SEZ6L: variants seen among roughly 807,000 people sequenced by gnomAD.
SEZ6L encodes the protein seizure related 6 homolog like, also known as seizure 6-like protein.
Under a neutral mutation model 106.2 loss-of-function variants are expected in SEZ6L, and 37 were observed. The observed-to-expected ratio is 0.35, with a 90% CI of 0.27 to 0.46. The LOEUF (loss-of-function observed/expected upper bound fraction) is 0.46. SEZ6L is among the 20% of genes least tolerant of loss of function. The probability of loss-of-function intolerance (pLI) is 1.00; values close to 1 mark genes in which losing one functional copy is unlikely to be tolerated. For synonymous variants in SEZ6L, 541 were observed against 570.4 expected (o/e 0.95, Z 0.73); for missense variants, 1,172 against 1,332.8 (o/e 0.88, Z 1.88).
At chr22:26,369,086 T>C (rs2083915147) in intron 13 of SEZ6L, among the ~76,000 whole-genome samples, 1 of 151,976 alleles carries the variant, frequency 6.6e-6, no homozygotes, top group Admixed American at 6.6e-5. Flanking sequence ...TTTAACAAGC[T>C]CTCAAATGCA....
chr22:26,323,876 C>T (rs755226498), intron 9 of SEZ6L, among the ~76,000 whole-genome samples: 1 of 152,026 alleles, frequency 6.6e-6, no homozygotes, highest in Non-Finnish European at 1.5e-5. Flanking sequence ...TATAGTAACT[C>T]ATTTCACTCT....
chr22:26,324,093 C>A lies in SEZ6L; in HGVS notation c.2015+10191C>A, dbSNP rs956964734. Among the ~76,000 whole-genome samples, 122 of 150,578 alleles carry A rather than the reference C, an allele frequency of 8.1e-4. 1 individual carries two copies. The highest frequency in any genetic ancestry group is 2.8e-3 in the African/African-American group (113 of 40,376). ...ACACACACACACACACACACACACA[C>A]ACACACACAAACACACACACACACA... On this transcript the variant is annotated intron_variant, in intron 9 of 16. Transcript: ENST00000248933.
At chr22:26,361,346 A>AAAAAG (rs2083619319) in intron 12 of SEZ6L, among the ~76,000 whole-genome samples, 1 of 149,112 alleles carries the variant, frequency 6.7e-6, no homozygotes, top group Non-Finnish European at 1.5e-5. Flanking sequence ...AAAAATACAA[A>AAAAAG]AACAAAAAAA....
At chr22:26,191,129 A>G (rs544430878) in intron 1 of SEZ6L, among the ~76,000 whole-genome samples, 16 of 152,242 alleles carry the variant, frequency 1.1e-4, no homozygotes, top group Non-Finnish European at 2.2e-4. Context: ...GGTCCATGCC[A>G]GGTCTCTCTA....
chr22:26,260,371 A>G (rs2145816014), intron 1 of SEZ6L, among the ~76,000 whole-genome samples: 1 of 152,260 alleles, frequency 6.6e-6, no homozygotes, highest in African/African-American at 2.4e-5. Flanking sequence ...CCCACTTATG[A>G]GTAAGAACAT....
chr22:26,316,256 G>A (rs6005012), intron 9 of SEZ6L, among the ~76,000 whole-genome samples: 36,481 of 152,054 alleles, frequency 0.24, 5,254 homozygotes, highest in African/African-American at 0.4. Flanking sequence ...ATTCATATTG[G>A]AAAGAATGGA....
intron 1 of SEZ6L, among the ~76,000 whole-genome samples, chr22:26,240,720 G>A (rs926475863): frequency 3.9e-5 from 6 of 152,096 alleles, no homozygotes; most frequent in Admixed American, 2.0e-4. Context: ...AGTCATCCAT[G>A]GAAGAAAAAG....
rs138407603 is a variant in SEZ6L at position 26,283,197 on chromosome 22, G to A, written c.95-9209G>A. 2.5e-3 allele frequency among the ~76,000 whole-genome samples: 385 copies of A among 152,270 alleles called. 11 individuals carry two copies. In the East Asian group the frequency reaches 0.042, roughly 17 times the overall value. On this transcript the variant is annotated intron_variant, in intron 1 of 16. Transcript: ENST00000248933. ...AGCCTCCCAAAGTGCTGGGATTACA[G>A]GCGTGAGCCACTGCATCCGGCTGCA...
At position 26,260,585 on chromosome 22, in the gene SEZ6L, A is replaced by ATT. The variant is rs990140625; in HGVS notation, c.95-31820_95-31819dup. Among the ~76,000 whole-genome samples, 6 of 152,224 alleles carry ATT rather than the reference A, an allele frequency of 3.9e-5. No individual in the cohort carries two copies. The South Asian group carries it at 8.3e-4, about 21-fold the overall frequency. ...ATTACATATAGGCATAGATATAGAC[A>ATT]TTATATATATATATACATATCACAA... On this transcript the variant is annotated intron_variant, in intron 1 of 16. Transcript: ENST00000248933.
intron 1 of SEZ6L, among the ~76,000 whole-genome samples, chr22:26,263,065 A>G (rs1295999209): frequency 6.6e-6 from 1 of 152,082 alleles, no homozygotes; most frequent in African/African-American, 2.4e-5. Context: ...GTTCCCCTAA[A>G]TTCCTATGGA....
intron 1 of SEZ6L, among the ~76,000 whole-genome samples, chr22:26,247,905 T>C (rs2079417669): frequency 6.6e-6 from 1 of 152,144 alleles, no homozygotes; most frequent in Non-Finnish European, 1.5e-5. Context: ...TGATCACACA[T>C]TGACACCATC....
chr22:26,293,105 C>T lies in SEZ6L; in HGVS notation c.794C>T (p.Thr265Ile), dbSNP rs1445156400. 1 of 1,597,848 alleles carries T rather than the reference C, an allele frequency of 6.3e-7. No individual in the cohort carries two copies. Among genetic ancestry groups the T allele is most frequent in the South Asian group, 1.1e-5 (1 of 89,818 alleles). The change falls in exon 2 of 17, where the codon ACC becomes ATC. Residue 265 changes from threonine (T) to isoleucine (I), a missense_variant. Thr to Ile is a moderately conservative substitution (Grantham distance 89). Coordinates refer to ENST00000248933, the MANE Select transcript of SEZ6L (RefSeq NM_021115.5). ...GAGAGCCAGGAGACCACTACCTCCA[C>T]CATTATCACCACCACGGTCATCACC... Reference protein sequence around the residue: ...SEESQETTTSTIITTTVITTE... With the variant: ...SEESQETTTSIIITTTVITTE...
rs180972933 is a variant in SEZ6L at position 26,228,065 on chromosome 22, C to T, written c.94+58302C>T. Among the ~76,000 whole-genome samples the T allele has an allele frequency of 8.5e-5, 13 of 152,346 alleles. No homozygotes were observed. In the South Asian group the frequency reaches 1.7e-3, roughly 19 times the overall value. ...TCTACATTCACTTACTTAACAAACA[C>T]TTGTCAATCACCTTCCATGAAGCAG... On this transcript the variant is annotated intron_variant, in intron 1 of 16. Transcript: ENST00000248933.
At chr22:26,321,864 G>C (rs965406509) in intron 9 of SEZ6L, among the ~76,000 whole-genome samples, 1 of 152,076 alleles carries the variant, frequency 6.6e-6, no homozygotes, top group African/African-American at 2.4e-5. Flanking sequence ...GAATGAGGAC[G>C]TAAGCCACAT....
At chr22:26,273,503 C>G (rs994138515) in intron 1 of SEZ6L, among the ~76,000 whole-genome samples, 2 of 152,272 alleles carry the variant, frequency 1.3e-5, no homozygotes, top group African/African-American at 4.8e-5. Context: ...AGGCATTGTT[C>G]TTGTTGGCTG....
intron 1 of SEZ6L, among the ~76,000 whole-genome samples, chr22:26,194,501 T>G (rs1422682316): frequency 6.6e-6 from 1 of 152,172 alleles, no homozygotes; most frequent in African/African-American, 2.4e-5. Context: ...AAGATTGGAT[T>G]GCAGGTCAAC....
At chr22:26,187,105 C>T (rs1410350150) in intron 1 of SEZ6L, among the ~76,000 whole-genome samples, 1 of 152,174 alleles carries the variant, frequency 6.6e-6, no homozygotes, top group Non-Finnish European at 1.5e-5. Context: ...TGAAGAACTA[C>T]CTGAGACTGG....
intron 1 of SEZ6L, among the ~76,000 whole-genome samples, chr22:26,207,623 T>C (rs1941340517): frequency 6.6e-6 from 1 of 152,234 alleles, no homozygotes; most frequent in Admixed American, 6.5e-5. Context: ...CAGTCTTTTT[T>C]CAAATTATTC....
rs1262625787 is a variant in SEZ6L, at chr22:26,383,041, C to G, written c.*2746C>G. On this transcript the variant is annotated 3_prime_UTR_variant, in exon 17 of 17. Coordinates refer to ENST00000248933, the MANE Select transcript of SEZ6L (RefSeq NM_021115.5). Reference sequence around the variant, plus strand: ...TGCTTTAAAAATGCACACACTCAACCCTCTTTAGCTTGGAGCTCAGCTTTT... The same window carrying G: ...TGCTTTAAAAATGCACACACTCAACGCTCTTTAGCTTGGAGCTCAGCTTTT... The G allele has an allele frequency of 6.6e-6, 1 of 150,448 alleles. No homozygotes were observed. The highest frequency in any genetic ancestry group is 1.5e-5 in the Non-Finnish European group (1 of 67,870). The allele number at this position is 150,448 out of a possible 1,614,324, so 9.3% of individuals were successfully genotyped here.
Sources: allele counts gnomAD v4.1 joint callset (sites outside exome capture counted in the v4.1 genomes callset), GRCh38; gene constraint gnomAD v4.1.1; transcripts MANE v1.5; gene names NCBI Gene and HGNC (gene_info 2026-07-23, HGNC 2026-07-21).